The following PPARGC1A variants were observed in gnomAD, a reference collection of about 807,000 sequenced individuals.
PPARGC1A encodes the protein peroxisome proliferator-activated receptor gamma coactivator 1-alpha.
Under a neutral mutation model 88.7 loss-of-function variants are expected in PPARGC1A, and 25 were observed. The ratio of observed to expected loss-of-function variants is 0.28; its 90% CI spans 0.21 to 0.39. The LOEUF (loss-of-function observed/expected upper bound fraction) is 0.39, where lower values mean the gene tolerates loss of function less well. PPARGC1A is among the 10% of genes least tolerant of loss of function. PPARGC1A has a pLI of 1.00. For synonymous variants in PPARGC1A, 363 were observed against 355.6 expected (o/e 1.02, Z -0.24); for missense variants, 880 against 968.7 (o/e 0.91, Z 1.22).
intron 2 of PPARGC1A, among the ~76,000 whole-genome samples, chr4:23,852,928 TA>T (rs910781774): frequency 2.0e-4 from 30 of 151,272 alleles, no homozygotes; most frequent in Admixed American, 5.3e-4. Flanking sequence ...ATCACTGCCC[TA>T]AAAAAAAACT....
chr4:23,851,869 G>A (rs1420344032), intron 2 of PPARGC1A, among the ~76,000 whole-genome samples: 1 of 152,090 alleles, frequency 6.6e-6, no homozygotes, highest in Non-Finnish European at 1.5e-5. Flanking sequence ...ACTACATCCA[G>A]TGCTTCTTTA....
the PPARGC1A span, among the ~76,000 whole-genome samples, chr4:24,349,589 G>A: frequency 1.1e-4 from 16 of 152,212 alleles, no homozygotes; most frequent in Middle Eastern, 6.8e-3. Context: ...GGGGAAAAGC[G>A]GGTAGTCACA....
At chr4:24,054,656 G>A in the PPARGC1A span, among the ~76,000 whole-genome samples, 1 of 152,008 alleles carries the variant, frequency 6.6e-6, no homozygotes, top group African/African-American at 2.4e-5. Context: ...CATTCAACTG[G>A]CAAATGAGTT....
intron 12 of PPARGC1A, among the ~76,000 whole-genome samples, chr4:23,800,271 G>C (rs1216917103): frequency 1.3e-5 from 2 of 151,954 alleles, no homozygotes; most frequent in Non-Finnish European, 2.9e-5. Context: ...ATATAATTAT[G>C]TCATATGCAC....
the PPARGC1A span, among the ~76,000 whole-genome samples, chr4:23,944,741 C>T: frequency 2.6e-5 from 4 of 152,130 alleles, 1 homozygote; most frequent in African/African-American, 4.8e-5. Flanking sequence ...TTAGAAGGAG[C>T]TTCCCCCTTT....
At chr4:24,307,639 T>C in the PPARGC1A span, among the ~76,000 whole-genome samples, 1 of 152,162 alleles carries the variant, frequency 6.6e-6, no homozygotes. Context: ...CATGAGTCTA[T>C]AAAGGCAGAT....
the PPARGC1A span, among the ~76,000 whole-genome samples, chr4:24,311,383 G>T: frequency 6.8e-6 from 1 of 147,670 alleles, no homozygotes; most frequent in African/African-American, 2.5e-5. Flanking sequence ...TTACAGGCGT[G>T]AGCCACCATG....
the PPARGC1A span, among the ~76,000 whole-genome samples, chr4:24,012,470 T>C: frequency 6.6e-6 from 1 of 152,116 alleles, no homozygotes; most frequent in Non-Finnish European, 1.5e-5. Context: ...CTATGACAAC[T>C]GCCAGCCCAT....
At chr4:24,007,974 C>T in the PPARGC1A span, among the ~76,000 whole-genome samples, 22 of 152,168 alleles carry the variant, frequency 1.4e-4, no homozygotes, top group Admixed American at 1.2e-3. Flanking sequence ...GCTCCTTACA[C>T]AGACTTTGCA....
At chr4:24,174,962 A>G in the PPARGC1A span, among the ~76,000 whole-genome samples, 1 of 152,140 alleles carries the variant, frequency 6.6e-6, no homozygotes, top group African/African-American at 2.4e-5. Flanking sequence ...ATGCTGTTGC[A>G]AAGTGTTTAT....
the PPARGC1A span, among the ~76,000 whole-genome samples, chr4:23,971,717 G>A: frequency 9.9e-5 from 15 of 152,108 alleles, no homozygotes; most frequent in African/African-American, 2.7e-4. Flanking sequence ...CTTTCCCAGC[G>A]CACTGACTCA....
the PPARGC1A span, among the ~76,000 whole-genome samples, chr4:24,162,825 C>A: frequency 6.6e-6 from 1 of 151,864 alleles, no homozygotes; most frequent in Non-Finnish European, 1.5e-5. Flanking sequence ...CACCCCTGAC[C>A]TCAGGTGATC....
chr4:24,162,407 G>A, the PPARGC1A span, among the ~76,000 whole-genome samples: 3 of 152,072 alleles, frequency 2.0e-5, no homozygotes, highest in Non-Finnish European at 2.9e-5. Flanking sequence ...TTTTGAGCCA[G>A]GCTGATCTGA....
At chr4:24,298,736 C>A in the PPARGC1A span, among the ~76,000 whole-genome samples, 3 of 152,094 alleles carry the variant, frequency 2.0e-5, no homozygotes, top group Admixed American at 6.6e-5. Flanking sequence ...TAAAACATGG[C>A]TTTTAGTCTG....
the PPARGC1A span, among the ~76,000 whole-genome samples, chr4:24,050,693 G>C: frequency 6.6e-6 from 1 of 152,046 alleles, no homozygotes; most frequent in Non-Finnish European, 1.5e-5. Context: ...TTCCAATTCT[G>C]TTGCTTCAAG....
chr4:24,055,386 C>T, the PPARGC1A span, among the ~76,000 whole-genome samples: 3 of 152,260 alleles, frequency 2.0e-5, no homozygotes, highest in South Asian at 2.1e-4. Flanking sequence ...GAAACAGTTC[C>T]GTGAGCCTTA....
chr4:24,001,469 AC>A, the PPARGC1A span, among the ~76,000 whole-genome samples: 2 of 152,168 alleles, frequency 1.3e-5, no homozygotes, highest in Non-Finnish European at 2.9e-5. Context: ...TTAAGTGAGA[AC>A]GTCTTCAAAA....
At chr4:24,411,793 C>A in the PPARGC1A span, among the ~76,000 whole-genome samples, 1 of 152,024 alleles carries the variant, frequency 6.6e-6, no homozygotes, top group Non-Finnish European at 1.5e-5. Flanking sequence ...ACATGGGTTT[C>A]TTTCACTTAG....
chr4:24,411,273 T>G, the PPARGC1A span, among the ~76,000 whole-genome samples: 1 of 152,212 alleles, frequency 6.6e-6, no homozygotes, highest in South Asian at 2.1e-4. Context: ...AGCTTCCCAT[T>G]TACTCAGTGC....
Sources: allele counts gnomAD v4.1 joint callset (sites outside exome capture counted in the v4.1 genomes callset), GRCh38; gene constraint gnomAD v4.1.1; transcripts MANE v1.5; gene names NCBI Gene and HGNC (gene_info 2026-07-23, HGNC 2026-07-21).